Variants in LRRC4C observed in about 807,000 individuals in gnomAD.
LRRC4C encodes the protein leucine rich repeat containing 4C, also known as leucine-rich repeat-containing protein 4C.
A neutral mutation model predicts 33.6 loss-of-function variants in LRRC4C; 5 were observed. The observed-to-expected ratio is 0.15, with a 90% CI of 0.08 to 0.31. The LOEUF is 0.31. LRRC4C is among the 10% of genes least tolerant of loss of function. The pLI is 1.00. For missense variants in LRRC4C, 560 were observed against 796.7 expected, an observed-to-expected ratio of 0.70 and a Z score of 3.58; for synonymous variants, 329 against 302.0, an observed-to-expected ratio of 1.09 and a Z score of -0.93.
rs377128240 is a variant in LRRC4C at position 40,232,428 on chromosome 11, T to C, written c.-96+9091A>G. On this transcript the variant is annotated intron_variant, in intron 5 of 6. Coordinates refer to ENST00000528697, the MANE Select transcript of LRRC4C (RefSeq NM_001258419.2). ...GTTTCCTGTTATGCATCAAGGCGTATGAAATAAGCATTTCCTACTGCCAAT... is the reference window on the plus strand; with the variant it reads ...GTTTCCTGTTATGCATCAAGGCGTACGAAATAAGCATTTCCTACTGCCAAT... 5.3e-5 allele frequency among the ~76,000 whole-genome samples: 8 copies of C among 152,326 alleles called. No homozygotes were observed. In the East Asian group the frequency reaches 1.5e-3, roughly 29 times the overall value.
At chr11:40,419,083 C>T (rs1334699917) in intron 3 of LRRC4C, among the ~76,000 whole-genome samples, 2 of 151,908 alleles carry the variant, frequency 1.3e-5, no homozygotes, top group Non-Finnish European at 1.5e-5. Flanking sequence ...CACACATTTA[C>T]CTATGTAACA....
intron 4 of LRRC4C, among the ~76,000 whole-genome samples, chr11:40,302,456 AC>A (rs1157609055): frequency 1.3e-5 from 2 of 151,910 alleles, no homozygotes; most frequent in African/African-American, 4.8e-5. Flanking sequence ...TGTTTCTTTG[AC>A]CTCTATGGGT....
chr11:40,973,035 C>T (rs1851835681), intron 1 of LRRC4C, among the ~76,000 whole-genome samples: 1 of 152,108 alleles, frequency 6.6e-6, no homozygotes, highest in Admixed American at 6.5e-5. Context: ...TGTGTGGCTC[C>T]TGCTCCAGTC....
intron 3 of LRRC4C, among the ~76,000 whole-genome samples, chr11:40,513,939 A>T (rs1374135364): frequency 1.3e-5 from 2 of 152,226 alleles, no homozygotes; most frequent in Non-Finnish European, 2.9e-5. Flanking sequence ...CAGGCAAGAC[A>T]AAGAGCCAAC....
At chr11:41,051,110 T>C (rs1055675470) in intron 1 of LRRC4C, among the ~76,000 whole-genome samples, 2 of 152,194 alleles carry the variant, frequency 1.3e-5, no homozygotes, top group Non-Finnish European at 2.9e-5. Flanking sequence ...CATGATATTA[T>C]GGATTCTGAA....
At chr11:41,145,117 C>G (rs910736857) in intron 1 of LRRC4C, among the ~76,000 whole-genome samples, 4 of 152,166 alleles carry the variant, frequency 2.6e-5, no homozygotes, top group African/African-American at 9.6e-5. Flanking sequence ...CACAGCAAGA[C>G]CTCAATACAT....
intron 1 of LRRC4C, among the ~76,000 whole-genome samples, chr11:41,163,636 G>A (rs1043764242): frequency 3.3e-5 from 5 of 149,898 alleles, no homozygotes; most frequent in African/African-American, 4.9e-5. Flanking sequence ...GTTTGAAACA[G>A]AGTCTCTCTC....
chr11:41,108,830 T>C (rs1318894669), intron 1 of LRRC4C, among the ~76,000 whole-genome samples: 3 of 152,066 alleles, frequency 2.0e-5, no homozygotes, highest in Non-Finnish European at 4.4e-5. Context: ...TGACTGACTT[T>C]GATAAAAATT....
At chr11:40,872,919 G>A (rs564766007) in intron 2 of LRRC4C, among the ~76,000 whole-genome samples, 2 of 152,208 alleles carry the variant, frequency 1.3e-5, no homozygotes, top group African/African-American at 4.8e-5. Context: ...ACAAGAGTTA[G>A]AATCTTTAAT....
rs561580084 is a variant in LRRC4C, at chr11:40,883,103, C to T, written c.-407+50532G>A. Among the ~76,000 whole-genome samples, 23 of 152,188 alleles carry T rather than the reference C, an allele frequency of 1.5e-4. No homozygotes were observed. In the South Asian group the frequency reaches 4.6e-3, roughly 30 times the overall value. On this transcript the variant is annotated intron_variant, in intron 2 of 6. Coordinates refer to ENST00000528697, the MANE Select transcript of LRRC4C (RefSeq NM_001258419.2). ...ATCATCCTGGCCTCTTTTGGGATAA[C>T]TTCTATTCCCATGTCCTGTCATTAA...
At chr11:41,185,218 A>C (rs571014437) in intron 1 of LRRC4C, among the ~76,000 whole-genome samples, 2 of 152,330 alleles carry the variant, frequency 1.3e-5, no homozygotes, top group South Asian at 4.1e-4. Context: ...ATCAAAGATT[A>C]TTCTAAGAAT....
chr11:41,449,448 G>A (rs1251436515), intron 1 of LRRC4C, among the ~76,000 whole-genome samples: 1 of 151,888 alleles, frequency 6.6e-6, no homozygotes, highest in African/African-American at 2.4e-5. Context: ...GGTAAGAAGG[G>A]TAGGAAAAAA....
chr11:40,444,109 C>A (rs1391475039), intron 3 of LRRC4C, among the ~76,000 whole-genome samples: 1 of 152,018 alleles, frequency 6.6e-6, no homozygotes, highest in Non-Finnish European at 1.5e-5. Context: ...GTGTGCCGTG[C>A]AGTGTTGTAA....
chr11:41,271,235 AT>A (rs1949309853), intron 1 of LRRC4C, among the ~76,000 whole-genome samples: 1 of 152,012 alleles, frequency 6.6e-6, no homozygotes, highest in Non-Finnish European at 1.5e-5. Context: ...TAACTTAAGT[AT>A]TTTTAAAAAT....
intron 4 of LRRC4C, among the ~76,000 whole-genome samples, chr11:40,246,286 C>CT (rs1407146511): frequency 2.0e-5 from 3 of 152,000 alleles, no homozygotes; most frequent in Admixed American, 6.6e-5. Flanking sequence ...AAAGTCCTAA[C>CT]TTTTTATCAA....
chr11:41,372,678 A>C (rs1331726211), intron 1 of LRRC4C, among the ~76,000 whole-genome samples: 1 of 152,002 alleles, frequency 6.6e-6, no homozygotes, highest in Non-Finnish European at 1.5e-5. Context: ...TGTATTGCTA[A>C]CATCCATCCT....
intron 1 of LRRC4C, among the ~76,000 whole-genome samples, chr11:41,077,747 C>A (rs946968785): frequency 1.2e-4 from 19 of 152,220 alleles, no homozygotes; most frequent in African/African-American, 4.3e-4. Flanking sequence ...ATGCAAATTT[C>A]TGCAGCAGGC....
intron 2 of LRRC4C, among the ~76,000 whole-genome samples, chr11:40,823,715 AATGCTC>A (rs991063956): frequency 7.2e-5 from 11 of 151,852 alleles, no homozygotes; most frequent in African/African-American, 2.7e-4. Flanking sequence ...ACAAATCTGG[AATGCTC>A]ATATATTGCC....
chr11:41,102,483 T>C (rs1160877747), intron 1 of LRRC4C, among the ~76,000 whole-genome samples: 2 of 152,062 alleles, frequency 1.3e-5, no homozygotes, highest in Non-Finnish European at 2.9e-5. Flanking sequence ...TATTGAAGTA[T>C]ATTCTCTCCA....
Sources: allele counts gnomAD v4.1 joint callset (sites outside exome capture counted in the v4.1 genomes callset), GRCh38; gene constraint gnomAD v4.1.1; transcripts MANE v1.5; gene names NCBI Gene and HGNC (gene_info 2026-07-23, HGNC 2026-07-21).